BRWD1: variants seen among roughly 807,000 people sequenced by gnomAD.
BRWD1 encodes bromodomain and WD repeat-containing protein 1.
Under a neutral mutation model 251.2 loss-of-function variants are expected in BRWD1, and 82 were observed. The ratio of observed to expected loss-of-function variants is 0.33; its 90% CI spans 0.27 to 0.39. The LOEUF is 0.39. BRWD1 is among the 10% of genes least tolerant of loss of function. The pLI is 1.00. For synonymous variants in BRWD1, 918 were observed against 902.8 expected (o/e 1.02, Z -0.30); for missense variants, 2,233 against 2,711.6 (o/e 0.82, Z 3.92).
In BRWD1 at chr21:39,199,284, T is replaced by C. The variant is rs368220798; in HGVS notation, c.5132A>G (p.Asn1711Ser). The C allele has an allele frequency of 3.1e-6, 5 of 1,614,224 alleles. No homozygotes were observed. The highest frequency in any genetic ancestry group is 2.2e-5 in the East Asian group (1 of 44,890). ...GTCTCTGTTTTCAGATTCATCAACATTGCTCTGGGCAGTGTGAGAACTGGA... is the reference window on the plus strand; with the variant it reads ...GTCTCTGTTTTCAGATTCATCAACACTGCTCTGGGCAGTGTGAGAACTGGA... The part of the protein sequence containing the change: ...PVSSSHTAQS[N>S]VDESENRDSE... The change falls in exon 40 of 41, where the codon AAT becomes AGT. Residue 1711 changes from asparagine (N) to serine (S), a missense_variant. Coordinates refer to ENST00000342449, the MANE Select transcript of BRWD1 (RefSeq NM_033656.4).
At chr21:39,234,197 A>G (rs553095134) in intron 23 of BRWD1, among the ~76,000 whole-genome samples, 34 of 152,320 alleles carry the variant, frequency 2.2e-4, no homozygotes, top group African/African-American at 8.2e-4. Context: ...ATCCTGGGGA[A>G]GCAACAATGA....
chr21:39,232,167 A>G lies in BRWD1; in HGVS notation c.3000+10T>C, dbSNP rs1282966658. 1.3e-6 allele frequency: 2 copies of G among 1,569,710 alleles called. No individual in the cohort carries two copies. The highest frequency in any genetic ancestry group is 1.7e-5 in the Admixed American group (1 of 59,058). On this transcript the variant is annotated intron_variant, in intron 25 of 40. Coordinates refer to ENST00000342449, the MANE Select transcript of BRWD1 (RefSeq NM_033656.4). Reference sequence around the variant, plus strand: ...AAATGTTTAATGATTTAATAATGCCATCATCCTACCCTAAGATCCATTTTT... The same window carrying G: ...AAATGTTTAATGATTTAATAATGCCGTCATCCTACCCTAAGATCCATTTTT...
chr21:39,188,875 A>G lies in BRWD1; in HGVS notation c.*7384T>C. 1.0e-6 allele frequency: 1 copy of G among 985,438 alleles called. No homozygotes were observed. Among genetic ancestry groups the G allele is most frequent in the Non-Finnish European group, 1.2e-6 (1 of 829,938 alleles). 61.0% of individuals were successfully genotyped at this position (985,438 alleles called of 1,614,324 possible). ...GGGCACTATGTTTTGTTCAGTGTTC[A>G]GTCTCCAGGCATTGTAAATGGCATT... On this transcript the variant is annotated 3_prime_UTR_variant, in exon 41 of 41. Transcript: ENST00000342449.
At chr21:39,288,089 G>C (rs2146728897) in intron 8 of BRWD1, among the ~76,000 whole-genome samples, 1 of 152,258 alleles carries the variant, frequency 6.6e-6, no homozygotes, top group Middle Eastern at 3.4e-3. Context: ...GCTTAACTGG[G>C]AATAGGGGGA....
In BRWD1 at chr21:39,274,307, G is replaced by A. The variant is rs572976449; in HGVS notation, c.1244+67C>T. The A allele has an allele frequency of 6.9e-6, 4 of 579,736 alleles. No individual in the cohort carries two copies. In the African/African-American group the frequency reaches 1.5e-4, roughly 21 times the overall value. The allele number at this position is 579,736 out of a possible 1,614,324, so 35.9% of individuals were successfully genotyped here. On this transcript the variant is annotated intron_variant, in intron 13 of 40. Coordinates refer to ENST00000342449, the MANE Select transcript of BRWD1 (RefSeq NM_033656.4). ...AACCACTGAGAGACACAGAGAGCGA[G>A]AGAGAGAGAGAGAGAGAGACAGATC...
At chr21:39,223,442 C>G (rs1286343570) in intron 29 of BRWD1, among the ~76,000 whole-genome samples, 5 of 152,060 alleles carry the variant, frequency 3.3e-5, no homozygotes, top group Non-Finnish European at 7.4e-5. Context: ...ATAAAGAAAG[C>G]TTGGTGGTGA....
intron 22 of BRWD1, among the ~76,000 whole-genome samples, chr21:39,237,626 C>T (rs1409357781): frequency 7.9e-5 from 12 of 151,906 alleles, no homozygotes; most frequent in Admixed American, 5.9e-4. Flanking sequence ...AATGAAAACA[C>T]GGAAGGTAGA....
intron 9 of BRWD1, 109 bp downstream of exon 9, chr21:39,280,037 TAA>T (rs377376246): frequency 2.7e-6 from 2 of 752,904 alleles, no homozygotes; most frequent in African/African-American, 3.7e-5. Context: ...GTTCAAAGGT[TAA>T]AAAAAAGCAA....
chr21:39,291,319 T>G (rs1409465974), intron 8 of BRWD1, among the ~76,000 whole-genome samples: 2 of 152,206 alleles, frequency 1.3e-5, no homozygotes, highest in Non-Finnish European at 2.9e-5. Context: ...CACCAAATTC[T>G]AATGAGAGAT....
intron 24 of BRWD1, 44 bp downstream of exon 24, chr21:39,232,329 C>T (rs780523002): frequency 6.2e-7 from 1 of 1,603,454 alleles, no homozygotes; most frequent in Non-Finnish European, 8.5e-7. Flanking sequence ...GCAATATAAA[C>T]TTTATGTTCC....
chr21:39,283,191 G>A (rs115176762), intron 8 of BRWD1, among the ~76,000 whole-genome samples: 2,193 of 152,082 alleles, frequency 0.014, 51 homozygotes, highest in African/African-American at 0.05. Context: ...TTCGCTGTCC[G>A]TGCTTATATA....
At chr21:39,262,317 G>T (rs888673772) in intron 17 of BRWD1, among the ~76,000 whole-genome samples, 5 of 152,132 alleles carry the variant, frequency 3.3e-5, no homozygotes, top group African/African-American at 1.2e-4. Flanking sequence ...ATTCCATGGG[G>T]TATTATCAGC....
chr21:39,301,893 G>GAA (rs1555877780), intron 4 of BRWD1, among the ~76,000 whole-genome samples: 6,262 of 56,678 alleles, frequency 0.11, 536 homozygotes, highest in African/African-American at 0.25. Flanking sequence ...TTACTGTGCC[G>GAA]AAAAAAAAAA....
chr21:39,282,774 A>G (rs1300622678), intron 8 of BRWD1, among the ~76,000 whole-genome samples: 5 of 152,094 alleles, frequency 3.3e-5, no homozygotes. Context: ...CCTGATCAAC[A>G]TGGTGAAACC....
intron 29 of BRWD1, among the ~76,000 whole-genome samples, chr21:39,221,192 A>G (rs566945422): frequency 2.0e-5 from 3 of 151,904 alleles, no homozygotes; most frequent in African/African-American, 4.8e-5. Flanking sequence ...AAAGAGCACA[A>G]TATGTGTTAT....
intron 8 of BRWD1, among the ~76,000 whole-genome samples, chr21:39,281,934 A>G (rs2035475800): frequency 6.6e-6 from 1 of 151,374 alleles, no homozygotes; most frequent in Admixed American, 6.6e-5. Flanking sequence ...ATACATACAT[A>G]TACATGTGTA....
At chr21:39,207,449 A>ACAC (rs748927549) in intron 36 of BRWD1, among the ~76,000 whole-genome samples, 1 of 18,426 alleles carries the variant, frequency 5.4e-5, no homozygotes, top group East Asian at 5.2e-4. Flanking sequence ...GAAAAAAAAG[A>ACAC]AAACACACAC....
chr21:39,315,400 C>T (rs966953101), upstream of BRWD1, among the ~76,000 whole-genome samples: 2 of 151,898 alleles, frequency 1.3e-5, no homozygotes, highest in East Asian at 2.0e-4. Flanking sequence ...TTTGGGAGGC[C>T]GAGGCAGGCG....
chr21:39,268,761 TG>T (rs2035007257), intron 15 of BRWD1, among the ~76,000 whole-genome samples: 1 of 152,040 alleles, frequency 6.6e-6, no homozygotes, highest in African/African-American at 2.4e-5. Context: ...CCAAGGCAGA[TG>T]GATCATGAGG....
Sources: allele counts gnomAD v4.1 joint callset (sites outside exome capture counted in the v4.1 genomes callset), GRCh38; gene constraint gnomAD v4.1.1; transcripts MANE v1.5; gene names NCBI Gene and HGNC (gene_info 2026-07-23, HGNC 2026-07-21).